LHFPL3: variants seen among roughly 807,000 people sequenced by gnomAD.
LHFPL3 encodes LHFPL tetraspan subfamily member 3 protein.
In LHFPL3, 5 loss-of-function variants were observed where a neutral mutation model predicts 19.3. The ratio of observed to expected loss-of-function variants is 0.26; its 90% CI spans 0.14 to 0.54. The LOEUF (loss-of-function observed/expected upper bound fraction) is 0.54. Ranked by LOEUF, LHFPL3 falls within the 20% of genes least tolerant of loss-of-function variation. The pLI is 0.94. For synonymous variants in LHFPL3, 133 were observed against 126.2 expected (o/e 1.05, Z -0.36); for missense variants, 249 against 307.4 (o/e 0.81, Z 1.42).
chr7:104,599,731 G>A (rs569620424), intron 1 of LHFPL3, among the ~76,000 whole-genome samples: 46 of 152,178 alleles, frequency 3.0e-4, no homozygotes, highest in African/African-American at 1.1e-3. Flanking sequence ...CATTACAGAG[G>A]GACCTCAAAA....
chr7:104,686,301 C>G (rs935450860), intron 1 of LHFPL3, among the ~76,000 whole-genome samples: 13 of 152,124 alleles, frequency 8.5e-5, no homozygotes, highest in African/African-American at 3.1e-4. Context: ...ACCTACACCA[C>G]CATGGGGAGT....
chr7:104,867,772 C>A (rs1791756090), intron 2 of LHFPL3, among the ~76,000 whole-genome samples: 1 of 151,850 alleles, frequency 6.6e-6, no homozygotes, highest in Non-Finnish European at 1.5e-5. Flanking sequence ...AGAGACACAA[C>A]AAAAAAAGAG....
chr7:104,679,268 C>T lies in LHFPL3; in HGVS notation c.446-57407C>T, dbSNP rs1200495460. On this transcript the variant is annotated intron_variant, in intron 1 of 2. Coordinates refer to ENST00000424859, the MANE Select transcript of LHFPL3 (RefSeq NM_199000.3). ...AGACCTCAACTTGTGGCTCTCTCCA[C>T]ATGGCTGCTTGGCTGCCTACATAGC... 2.0e-5 allele frequency among the ~76,000 whole-genome samples: 3 copies of T among 152,270 alleles called. No individual in the cohort carries two copies. In the East Asian group the frequency reaches 5.8e-4, roughly 29 times the overall value.
At chr7:104,553,314 C>G (rs1280725665) in intron 1 of LHFPL3, among the ~76,000 whole-genome samples, 1 of 152,160 alleles carries the variant, frequency 6.6e-6, no homozygotes, top group African/African-American at 2.4e-5. Context: ...CAGCCCACAG[C>G]AACTGTACTG....
chr7:104,801,615 G>C (rs1013159375), intron 2 of LHFPL3, among the ~76,000 whole-genome samples: 8 of 152,142 alleles, frequency 5.3e-5, no homozygotes, highest in African/African-American at 1.7e-4. Flanking sequence ...CTATTGCCCA[G>C]ACTGGAGTGC....
chr7:104,721,085 A>G (rs1793481140), intron 1 of LHFPL3, among the ~76,000 whole-genome samples: 2 of 152,198 alleles, frequency 1.3e-5, no homozygotes, highest in Admixed American at 1.3e-4. Context: ...AGACACATGC[A>G]CATGTATATT....
chr7:104,877,891 T>C (rs1324416503), intron 2 of LHFPL3, among the ~76,000 whole-genome samples: 3 of 151,738 alleles, frequency 2.0e-5, no homozygotes, highest in Non-Finnish European at 4.4e-5. Flanking sequence ...TCGAGTGCAG[T>C]GGTGCAATCT....
chr7:104,786,719 T>TAC (rs71155524), intron 2 of LHFPL3: 36 of 151,042 alleles, frequency 2.4e-4, no homozygotes, highest in African/African-American at 8.8e-4. Flanking sequence ...TGTGTGTGTG[T>TAC]ACGTGCTATA....
At chr7:104,372,126 G>C (rs1198655766) in intron 1 of LHFPL3, among the ~76,000 whole-genome samples, 2 of 152,194 alleles carry the variant, frequency 1.3e-5, no homozygotes, top group African/African-American at 2.4e-5. Flanking sequence ...AATGCAGCCA[G>C]AGTAGTTGGG....
rs1410546603 is a variant in LHFPL3, at chr7:104,422,082, C to T, written c.445+92858C>T. Among the ~76,000 whole-genome samples, 9 of 152,260 alleles carry T rather than the reference C, an allele frequency of 5.9e-5. No homozygotes were observed. The East Asian group carries it at 9.6e-4, about 16-fold the overall frequency. On this transcript the variant is annotated intron_variant, in intron 1 of 2. Coordinates refer to ENST00000424859, the MANE Select transcript of LHFPL3 (RefSeq NM_199000.3). ...GAACTGTAAAAAATACATTTCAGGC[C>T]GGGTGCAGTGGCTCACGCCTGTAAT...
chr7:104,371,117 A>T (rs1407833633), intron 1 of LHFPL3, among the ~76,000 whole-genome samples: 2 of 152,180 alleles, frequency 1.3e-5, no homozygotes, highest in South Asian at 2.1e-4. Flanking sequence ...CTGTGGTCTG[A>T]TTAGCTGATA....
intron 1 of LHFPL3, among the ~76,000 whole-genome samples, chr7:104,518,673 A>C (rs1793971769): frequency 6.6e-6 from 1 of 152,182 alleles, no homozygotes; most frequent in Non-Finnish European, 1.5e-5. Flanking sequence ...AATCTCAGCT[A>C]TTCAGGAAGC....
intron 1 of LHFPL3, among the ~76,000 whole-genome samples, chr7:104,471,426 C>G (rs369478859): frequency 6.6e-6 from 1 of 152,144 alleles, no homozygotes; most frequent in African/African-American, 2.4e-5. Flanking sequence ...AACTATAGTT[C>G]TCATATACAT....
At chr7:104,805,562 C>A (rs2116488318) in intron 2 of LHFPL3, among the ~76,000 whole-genome samples, 2 of 152,320 alleles carry the variant, frequency 1.3e-5, no homozygotes, top group Middle Eastern at 6.8e-3. Flanking sequence ...TATTCCCCTG[C>A]TTCGTTCACC....
chr7:104,452,507 T>G (rs1443621909), intron 1 of LHFPL3, among the ~76,000 whole-genome samples: 1 of 152,184 alleles, frequency 6.6e-6, no homozygotes, highest in Non-Finnish European at 1.5e-5. Context: ...GCTAAAAAAA[T>G]CTAATGATCA....
chr7:104,877,034 C>A (rs932650770), intron 2 of LHFPL3, among the ~76,000 whole-genome samples: 5 of 152,052 alleles, frequency 3.3e-5, no homozygotes, highest in Admixed American at 6.6e-5. Context: ...GGACAAAAAA[C>A]CAAACACCAC....
At position 104,736,767 on chromosome 7, in the gene LHFPL3, A is replaced by G. The variant is rs1793830271; in HGVS notation, c.538A>G (p.Thr180Ala). 3 of 1,613,338 alleles carry G rather than the reference A, an allele frequency of 1.9e-6. No homozygotes were observed. The highest frequency in any genetic ancestry group is 1.3e-5 in the African/African-American group (1 of 74,780). Residue 180 changes from threonine (T) to alanine (A), a missense_variant, in exon 2 of 3, where the codon ACT (threonine) becomes GCT (alanine). Transcript: ENST00000424859. ...RMCGEKTDKY[T>A]LGACSVRWAY... The stretch of plus-strand genomic sequence containing the variant: ...GTGTGGAGAAAAGACAGACAAGTAC[A>G]CTCTTGGGGCTTGCTCAGTCCGCTG...
At chr7:104,367,851 A>G (rs1462421016) in intron 1 of LHFPL3, among the ~76,000 whole-genome samples, 3 of 152,224 alleles carry the variant, frequency 2.0e-5, no homozygotes, top group Non-Finnish European at 2.9e-5. Context: ...AATTTTGTCT[A>G]AAGACACAGG....
chr7:104,638,604 T>C lies in LHFPL3; in HGVS notation c.446-98071T>C, dbSNP rs115566199. On this transcript the variant is annotated intron_variant, in intron 1 of 2. Transcript: ENST00000424859. ...ATTGAGCATTTTTAACATGAAGGAA[T>C]GTTGAATTTTATCAAAAGCCTTTTT... is the stretch of plus-strand genomic sequence containing the variant. Among the ~76,000 whole-genome samples the C allele has an allele frequency of 7.2e-3, 1,093 of 152,314 alleles. 12 individuals are homozygous for C. Among genetic ancestry groups the C allele is most frequent in the African/African-American group, 0.025 (1,019 of 41,574 alleles).
Sources: allele counts gnomAD v4.1 joint callset (sites outside exome capture counted in the v4.1 genomes callset), GRCh38; gene constraint gnomAD v4.1.1; transcripts MANE v1.5; gene names NCBI Gene and HGNC (gene_info 2026-07-23, HGNC 2026-07-21).